Variants in CTNNBL1 observed in about 807,000 individuals in gnomAD.
The protein encoded by CTNNBL1 is beta-catenin-like protein 1.
In CTNNBL1, 31 loss-of-function variants were observed where a neutral mutation model predicts 72.7. The ratio of observed to expected loss-of-function variants is 0.43; its 90% CI spans 0.32 to 0.58. The LOEUF (loss-of-function observed/expected upper bound fraction) is 0.58, where lower values mean the gene tolerates loss of function less well. Ranked by LOEUF, CTNNBL1 falls within the 20% of genes least tolerant of loss-of-function variation. CTNNBL1 has a pLI of 0.08. For missense variants in CTNNBL1, 534 were observed against 725.1 expected, an observed-to-expected ratio of 0.74 and a Z score of 3.03; for synonymous variants, 240 against 267.3, an observed-to-expected ratio of 0.90 and a Z score of 1.00.
At chr20:37,701,892 C>T (rs1330343390) in intron 1 of CTNNBL1, among the ~76,000 whole-genome samples, 9 of 146,146 alleles carry the variant, frequency 6.2e-5, no homozygotes, top group Non-Finnish European at 1.2e-4. Context: ...ATACATCGTA[C>T]GCTCATCTCA....
In CTNNBL1 at chr20:37,746,433, C is replaced by G. The variant is rs561998581; in HGVS notation, c.327-35C>G. Reference sequence around the variant, plus strand: ...TTGCTCCTCATTGCTGATAGTGCCCCTTTCCTTCTAATGATGTCTTGTTTT... The same window carrying G: ...TTGCTCCTCATTGCTGATAGTGCCCGTTTCCTTCTAATGATGTCTTGTTTT... On this transcript the variant is annotated intron_variant, in intron 3 of 15. Coordinates refer to ENST00000361383, the MANE Select transcript of CTNNBL1 (RefSeq NM_030877.5). 3.1e-6 allele frequency: 5 copies of G among 1,601,630 alleles called. No individual in the cohort carries two copies. In the African/African-American group the frequency reaches 4.0e-5, roughly 13 times the overall value.
chr20:37,749,471 G>GA (rs1362425336), intron 4 of CTNNBL1, among the ~76,000 whole-genome samples: 1 of 151,802 alleles, frequency 6.6e-6, no homozygotes, highest in African/African-American at 2.4e-5. Context: ...TTTAAAAAGG[G>GA]AAAAAACACA....
At chr20:37,846,843 G>A (rs2072351128) in intron 13 of CTNNBL1, among the ~76,000 whole-genome samples, 1 of 152,122 alleles carries the variant, frequency 6.6e-6, no homozygotes, top group Non-Finnish European at 1.5e-5. Context: ...TCCTCAGAGA[G>A]GCTTTCAGTG....
At chr20:37,795,904 AT>A (rs10602071) in intron 10 of CTNNBL1, among the ~76,000 whole-genome samples, 23,225 of 138,086 alleles carry the variant, frequency 0.17, 1,835 homozygotes, top group African/African-American at 0.21. Context: ...TAGATGTTGA[AT>A]TTTTTTTTTT....
chr20:37,769,045 C>T (rs1433662895), intron 7 of CTNNBL1, among the ~76,000 whole-genome samples: 1 of 152,186 alleles, frequency 6.6e-6, no homozygotes, highest in Non-Finnish European at 1.5e-5. Flanking sequence ...TCCCAGAGTG[C>T]TGGGATTACA....
chr20:37,728,548 A>G (rs968869170), intron 1 of CTNNBL1, among the ~76,000 whole-genome samples: 1 of 152,222 alleles, frequency 6.6e-6, no homozygotes, highest in African/African-American at 2.4e-5. Context: ...AACTCTTATT[A>G]TTCAGAGTGG....
intron 1 of CTNNBL1, among the ~76,000 whole-genome samples, chr20:37,710,326 ATTGT>A (rs1294346375): frequency 1.3e-5 from 2 of 151,944 alleles, no homozygotes; most frequent in East Asian, 1.9e-4. Context: ...CCTTAGTGTT[ATTGT>A]TTGTTTGATA....
At chr20:37,717,581 A>G (rs2072997272) in intron 1 of CTNNBL1, among the ~76,000 whole-genome samples, 1 of 152,020 alleles carries the variant, frequency 6.6e-6, no homozygotes, top group African/African-American at 2.4e-5. Context: ...GGGTTTCTCC[A>G]AGTGATATGA....
intron 1 of CTNNBL1, among the ~76,000 whole-genome samples, chr20:37,719,533 C>T (rs368222743): frequency 6.6e-6 from 1 of 152,106 alleles, no homozygotes; most frequent in Non-Finnish European, 1.5e-5. Context: ...TTTCTTAAAC[C>T]TTGTACTCTT....
In CTNNBL1 at chr20:37,779,278, C is replaced by G. The variant is rs2073604300; in HGVS notation, c.974C>G (p.Ser325Cys). The change falls in exon 10 of 16, where the codon TCC becomes TGC. Residue 325 changes from serine to cysteine, a missense_variant. Ser to Cys is a moderately radical substitution (Grantham distance 112, BLOSUM62 -1). Coordinates refer to ENST00000361383, the MANE Select transcript of CTNNBL1 (RefSeq NM_030877.5). ...DSLCSCLMLS[S>C]NRERFLKGEG... Reference sequence around the variant, plus strand: ...CTCTGCTCCTGTCTAATGCTTAGTTCCAATCGTGAGCGCTTCCTGAAGGGC... The same window carrying G: ...CTCTGCTCCTGTCTAATGCTTAGTTGCAATCGTGAGCGCTTCCTGAAGGGC... 6.2e-7 allele frequency: 1 copy of G among 1,613,782 alleles called. No homozygotes were observed. The highest frequency in any genetic ancestry group is 8.5e-7 in the Non-Finnish European group (1 of 1,179,742).
chr20:37,745,568 G>A lies in CTNNBL1; in HGVS notation c.327-900G>A, dbSNP rs186461632. 9.6e-4 allele frequency among the ~76,000 whole-genome samples: 146 copies of A among 152,174 alleles called. 1 individual carries two copies. In the Middle Eastern group the frequency reaches 0.01, roughly 11 times the overall value. On this transcript the variant is annotated intron_variant, in intron 3 of 15. Transcript: ENST00000361383. ...GCCCTGTGAGACAGATAACCTTATT[G>A]TCCCTATTTACAGAAGAAACTGAGG...
intron 1 of CTNNBL1, among the ~76,000 whole-genome samples, chr20:37,732,620 G>A (rs181249376): frequency 6.6e-6 from 1 of 152,340 alleles, no homozygotes; most frequent in East Asian, 1.9e-4. Flanking sequence ...GGTGGGAGAA[G>A]TTGTATGCTG....
intron 13 of CTNNBL1, among the ~76,000 whole-genome samples, chr20:37,846,837 CAG>C (rs2072351069): frequency 6.6e-6 from 1 of 152,162 alleles, no homozygotes; most frequent in African/African-American, 2.4e-5. Context: ...GTCGCCTCCT[CAG>C]AGAGGCTTTC....
chr20:37,824,243 G>C (rs1053480205), intron 11 of CTNNBL1, among the ~76,000 whole-genome samples: 3 of 152,232 alleles, frequency 2.0e-5, no homozygotes, highest in African/African-American at 7.2e-5. Context: ...GAGTTAATAA[G>C]AAAAAACTGT....
intron 1 of CTNNBL1, among the ~76,000 whole-genome samples, chr20:37,732,051 C>T (rs1332500434): frequency 6.6e-6 from 1 of 152,170 alleles, no homozygotes; most frequent in African/African-American, 2.4e-5. Flanking sequence ...GTTCTCTTTT[C>T]TCTACACCCT....
intron 13 of CTNNBL1, among the ~76,000 whole-genome samples, chr20:37,844,096 C>T (rs2072327300): frequency 6.6e-6 from 1 of 152,186 alleles, no homozygotes; most frequent in South Asian, 2.1e-4. Context: ...TAATGTACTC[C>T]TTCTCTTTAT....
At chr20:37,851,087 A>AAC (rs1221419083) in intron 13 of CTNNBL1, among the ~76,000 whole-genome samples, 3 of 152,020 alleles carry the variant, frequency 2.0e-5, no homozygotes, top group African/African-American at 7.2e-5. Context: ...AAGAGGGGGA[A>AAC]ACACACACAC....
intron 12 of CTNNBL1, 199 bp from the exon 13 acceptor site, chr20:37,842,140 G>T (rs1246224494): frequency 5.5e-6 from 3 of 547,074 alleles, no homozygotes; most frequent in Non-Finnish European, 9.8e-6. Context: ...TTCATCCTAA[G>T]TGTTTGCTTT....
chr20:37,724,313 C>T (rs533435698), intron 1 of CTNNBL1, among the ~76,000 whole-genome samples: 8 of 152,022 alleles, frequency 5.3e-5, no homozygotes, highest in East Asian at 1.9e-4. Context: ...TGTTTATTCT[C>T]GAAAAGGCAT....
Sources: allele counts gnomAD v4.1 joint callset (sites outside exome capture counted in the v4.1 genomes callset), GRCh38; gene constraint gnomAD v4.1.1; transcripts MANE v1.5; gene names NCBI Gene and HGNC (gene_info 2026-07-23, HGNC 2026-07-21).